The following TENM2 variants were observed in gnomAD, a reference collection of about 807,000 sequenced individuals.
TENM2 encodes the protein teneurin-2.
A neutral mutation model predicts 245.2 loss-of-function variants in TENM2; 52 were observed. That is an observed-to-expected ratio of 0.21 (90% confidence interval 0.17 to 0.27). The LOEUF (loss-of-function observed/expected upper bound fraction) is 0.27. Ranked by LOEUF, TENM2 falls within the 10% of genes least tolerant of loss-of-function variation. TENM2 has a pLI of 1.00. For missense variants in TENM2, 3,046 were observed against 3,666.8 expected, an observed-to-expected ratio of 0.83 and a Z score of 4.37; for synonymous variants, 1,363 against 1,438.9, an observed-to-expected ratio of 0.95 and a Z score of 1.19.
chr5:167,696,231 T>G (rs1757759281), intron 2 of TENM2, among the ~76,000 whole-genome samples: 1 of 152,074 alleles, frequency 6.6e-6, no homozygotes, highest in African/African-American at 2.4e-5. Flanking sequence ...GGGAGGAATA[T>G]CTGTAGTTCT....
At chr5:167,692,586 A>C (rs373219574) in intron 2 of TENM2, among the ~76,000 whole-genome samples, 95 of 152,264 alleles carry the variant, frequency 6.2e-4, no homozygotes, top group African/African-American at 2.1e-3. Flanking sequence ...CTATAAATTA[A>C]ATATATATGC....
chr5:167,519,742 A>T (rs1476263190), intron 2 of TENM2, among the ~76,000 whole-genome samples: 2 of 152,180 alleles, frequency 1.3e-5, no homozygotes, highest in Non-Finnish European at 2.9e-5. Flanking sequence ...AATTGAATTC[A>T]TTATTTCTTA....
At chr5:168,164,119 G>A (rs987141586) in intron 13 of TENM2, among the ~76,000 whole-genome samples, 2 of 152,186 alleles carry the variant, frequency 1.3e-5, no homozygotes. Flanking sequence ...GTGTAAGTGC[G>A]CTGGCTCTTT....
At chr5:167,930,697 G>A in intron 3 of TENM2, among the ~76,000 whole-genome samples, 1 of 151,812 alleles carries the variant, frequency 6.6e-6, no homozygotes, top group Non-Finnish European at 1.5e-5. Context: ...TGCCCAGGCT[G>A]GTAGAATTTT....
At chr5:167,612,711 T>C (rs1460661853) in intron 2 of TENM2, among the ~76,000 whole-genome samples, 2 of 152,270 alleles carry the variant, frequency 1.3e-5, no homozygotes, top group Non-Finnish European at 2.9e-5. Context: ...GCTACATTTA[T>C]GTAGCAAGGA....
the TENM2 span, chr5:167,168,131 A>ATCTT: frequency 6.6e-6 from 1 of 152,200 alleles, no homozygotes; most frequent in Non-Finnish European, 1.5e-5. Flanking sequence ...GTTCTGAAAA[A>ATCTT]TCTTACATCA....
intron 1 of TENM2, among the ~76,000 whole-genome samples, chr5:167,350,997 TTATATAC>T (rs1758860820): frequency 1.8e-5 from 1 of 56,176 alleles, no homozygotes; most frequent in Admixed American, 2.2e-4. Context: ...TATATATGGA[TTATATAC>T]ATATGGATAT....
intron 4 of TENM2, among the ~76,000 whole-genome samples, chr5:167,964,811 T>C (rs1010462180): frequency 4.6e-5 from 7 of 152,108 alleles, no homozygotes; most frequent in Non-Finnish European, 7.4e-5. Context: ...ACTAGAAAGG[T>C]AGGCAAGGGC....
At chr5:167,475,050 G>T (rs986252224) in intron 2 of TENM2, among the ~76,000 whole-genome samples, 1 of 151,930 alleles carries the variant, frequency 6.6e-6, no homozygotes, top group Non-Finnish European at 1.5e-5. Flanking sequence ...AAAAATTGTC[G>T]GAGCTAACCA....
intron 2 of TENM2, among the ~76,000 whole-genome samples, chr5:167,542,891 G>A (rs889663320): frequency 6.6e-6 from 1 of 152,126 alleles, no homozygotes; most frequent in African/African-American, 2.4e-5. Context: ...TTAGGAGCTT[G>A]TGAGTCAACT....
chr5:167,782,924 G>T (rs954926959), intron 2 of TENM2, among the ~76,000 whole-genome samples: 2 of 152,180 alleles, frequency 1.3e-5, no homozygotes, highest in African/African-American at 4.8e-5. Flanking sequence ...CCAGGTTATT[G>T]CTGGACAACA....
At chr5:167,330,427 C>A (rs1757370438) in intron 1 of TENM2, among the ~76,000 whole-genome samples, 1 of 152,122 alleles carries the variant, frequency 6.6e-6, no homozygotes. Context: ...CTTTTAAAAG[C>A]TATATGCTTG....
intron 2 of TENM2, among the ~76,000 whole-genome samples, chr5:167,765,825 G>A (rs1371148742): frequency 6.6e-6 from 1 of 152,140 alleles, no homozygotes; most frequent in Non-Finnish European, 1.5e-5. Flanking sequence ...ACCGAGTGAT[G>A]TTGTCATGTT....
At chr5:168,192,437 G>A (rs1024757433) in intron 14 of TENM2, among the ~76,000 whole-genome samples, 4 of 152,146 alleles carry the variant, frequency 2.6e-5, no homozygotes, top group Admixed American at 2.0e-4. Context: ...AAAAGAATAA[G>A]TAACATTTCT....
intron 5 of TENM2, among the ~76,000 whole-genome samples, chr5:168,010,861 G>A (rs956356785): frequency 2.0e-5 from 3 of 152,178 alleles, no homozygotes; most frequent in African/African-American, 7.2e-5. Context: ...TCAATTTGGG[G>A]GCGTTATTAA....
intron 2 of TENM2, among the ~76,000 whole-genome samples, chr5:167,549,631 A>G (rs2127618946): frequency 6.6e-6 from 1 of 152,296 alleles, no homozygotes; most frequent in South Asian, 2.1e-4. Flanking sequence ...CATCTCAATA[A>G]TGGCAATGGA....
At chr5:167,099,643 T>A in the TENM2 span, among the ~76,000 whole-genome samples, 1 of 152,130 alleles carries the variant, frequency 6.6e-6, no homozygotes, top group East Asian at 1.9e-4. Flanking sequence ...TGCAGTGAGC[T>A]GAGATGGTGC....
At chr5:167,918,313 C>A (rs1051451622) in intron 3 of TENM2, among the ~76,000 whole-genome samples, 1 of 152,168 alleles carries the variant, frequency 6.6e-6, no homozygotes, top group Non-Finnish European at 1.5e-5. Flanking sequence ...GACTGGTTCC[C>A]TGGGGCCCAC....
At chr5:168,123,135 G>GA (rs35506770) in intron 10 of TENM2, among the ~76,000 whole-genome samples, 2,164 of 102,950 alleles carry the variant, frequency 0.021, 49 homozygotes, top group African/African-American at 0.062. Flanking sequence ...CATTTCTAGA[G>GA]AAAAAAAAAA....
Sources: allele counts gnomAD v4.1 joint callset (sites outside exome capture counted in the v4.1 genomes callset), GRCh38; gene constraint gnomAD v4.1.1; transcripts MANE v1.5; gene names NCBI Gene and HGNC (gene_info 2026-07-23, HGNC 2026-07-21).